ACOT12: variants seen among roughly 807,000 people sequenced by gnomAD.
The protein encoded by ACOT12 is acyl-CoA thioesterase 12, also known as acetyl-coenzyme A thioesterase.
Under a neutral mutation model 67.7 loss-of-function variants are expected in ACOT12, and 51 were observed. The observed-to-expected ratio is 0.75, with a 90% CI of 0.60 to 0.95. The LOEUF (loss-of-function observed/expected upper bound fraction) is 0.95, where lower values mean the gene tolerates loss of function less well. Ranked by LOEUF, ACOT12 falls within the 40% of genes least tolerant of loss-of-function variation. The pLI is 0.00. For missense variants in ACOT12, 734 were observed against 708.1 expected, an observed-to-expected ratio of 1.04 and a Z score of -0.41; for synonymous variants, 251 against 244.6, an observed-to-expected ratio of 1.03 and a Z score of -0.24.
In ACOT12 at chr5:81,330,420, C is replaced by A. The variant is rs771572593; in HGVS notation, c.1642G>T (p.Asp548Tyr). The A allele has an allele frequency of 3.1e-6, 5 of 1,613,134 alleles. No individual in the cohort carries two copies. In the South Asian group the frequency reaches 5.5e-5, roughly 18 times the overall value. ...SCIQFLENPP[D>Y]DGFVSTF Reference sequence around the variant, plus strand: ...TAAAATGTGCTTACAAACCCATCATCAGGAGGATTCTCTAAGAACTGTATA... The same window carrying A: ...TAAAATGTGCTTACAAACCCATCATAAGGAGGATTCTCTAAGAACTGTATA... Residue 548 changes from aspartate (D) to tyrosine (Y), a missense_variant, in exon 15 of 15, where the codon GAT (aspartate) becomes TAT (tyrosine). By Grantham distance (160) the Asp-to-Tyr change is radical. Transcript: ENST00000307624.
In ACOT12 at chr5:81,345,907, C is replaced by T; in HGVS notation, c.751G>A (p.Val251Ile). 3 of 1,613,890 alleles carry T rather than the reference C, an allele frequency of 1.9e-6. No individual in the cohort carries two copies. Among genetic ancestry groups the T allele is most frequent in the Non-Finnish European group, 2.5e-6 (3 of 1,179,898 alleles). ...VGDRLVFTAI[V>I]NNTFQTCVEV... ...TACCAGGTCTGAAATGTATTGTTGA[C>T]AATGGCAGTGAAGACAAGACGATCT... Residue 251 changes from valine (V) to isoleucine (I), a missense_variant, in exon 7 of 15, where the codon GTC (valine) becomes ATC (isoleucine). Physicochemically the swap from Val to Ile is conservative, Grantham distance 29. Transcript: ENST00000307624.
At chr5:81,366,718 G>A (rs567022685) in intron 3 of ACOT12, among the ~76,000 whole-genome samples, 1 of 152,124 alleles carries the variant, frequency 6.6e-6, no homozygotes, top group Admixed American at 6.5e-5. Flanking sequence ...AATCAAAGTG[G>A]ACTTTCTAAG....
chr5:81,366,731 A>T (rs958438799), intron 3 of ACOT12, among the ~76,000 whole-genome samples: 5 of 152,196 alleles, frequency 3.3e-5, no homozygotes, highest in African/African-American at 1.2e-4. Flanking sequence ...TTTCTAAGGT[A>T]AAAAAATACA....
At chr5:81,339,606 AACTG>A (rs1157203399) in intron 11 of ACOT12, among the ~76,000 whole-genome samples, 1 of 152,168 alleles carries the variant, frequency 6.6e-6, no homozygotes, top group African/African-American at 2.4e-5. Context: ...CTCCCTATAT[AACTG>A]TCTTCTCTTG....
chr5:81,367,029 G>T (rs967251079), intron 3 of ACOT12, among the ~76,000 whole-genome samples: 2 of 152,164 alleles, frequency 1.3e-5, no homozygotes, highest in Non-Finnish European at 2.9e-5. Context: ...TAAATCCATA[G>T]ATCCAGTAGC....
chr5:81,385,241 G>A (rs1760696615), intron 2 of ACOT12, among the ~76,000 whole-genome samples: 2 of 152,064 alleles, frequency 1.3e-5, no homozygotes. Context: ...GAGCCCAGGA[G>A]TTCGAGATCA....
In ACOT12 at chr5:81,388,509, G is replaced by A. The variant is rs78851366; in HGVS notation, c.128-2683C>T. On this transcript the variant is annotated intron_variant, in intron 1 of 14. Transcript: ENST00000307624. Reference sequence around the variant, plus strand: ...GAGAACAAAGAGAAGCTAAGTGATTGTAAGTAGGTACGAAATGATGACTGA... The same window carrying A: ...GAGAACAAAGAGAAGCTAAGTGATTATAAGTAGGTACGAAATGATGACTGA... 5.2e-3 allele frequency among the ~76,000 whole-genome samples: 787 copies of A among 152,322 alleles called. 5 individuals are homozygous for A. Among genetic ancestry groups the A allele is most frequent in the South Asian group, 0.01 (50 of 4,828 alleles).
the ACOT12 span, among the ~76,000 whole-genome samples, chr5:81,321,366 A>G: frequency 2.6e-5 from 4 of 152,232 alleles, no homozygotes; most frequent in African/African-American, 7.2e-5. Context: ...AGAGCACCAG[A>G]GGGCTCAGCC....
intron 12 of ACOT12, among the ~76,000 whole-genome samples, chr5:81,333,102 G>A (rs949661188): frequency 2.7e-5 from 4 of 149,340 alleles, no homozygotes; most frequent in Admixed American, 6.7e-5. Flanking sequence ...AACAAAAAAC[G>A]CAAGAGCTCT....
the ACOT12 span, among the ~76,000 whole-genome samples, chr5:81,315,286 C>G: frequency 6.6e-6 from 1 of 152,116 alleles, no homozygotes; most frequent in South Asian, 2.1e-4. Flanking sequence ...TCTCAAGTTG[C>G]TCTTTACTTG....
chr5:81,349,880 G>C (rs1373308367), intron 5 of ACOT12, among the ~76,000 whole-genome samples: 1 of 152,132 alleles, frequency 6.6e-6, no homozygotes, highest in Non-Finnish European at 1.5e-5. Flanking sequence ...GTCTGCTGTT[G>C]ATGAGAGTCC....
At chr5:81,376,755 C>G (rs1373469535) in intron 2 of ACOT12, among the ~76,000 whole-genome samples, 1 of 152,120 alleles carries the variant, frequency 6.6e-6, no homozygotes, top group African/African-American at 2.4e-5. Context: ...TGGATAAATT[C>G]CTGGACACAT....
the ACOT12 span, among the ~76,000 whole-genome samples, chr5:81,322,200 A>G: frequency 6.6e-6 from 1 of 152,194 alleles, no homozygotes; most frequent in African/African-American, 2.4e-5. Context: ...AGAAGTTTAA[A>G]TAAGAAGAAA....
chr5:81,343,764 A>G, intron 10 of ACOT12, 54 bp downstream of exon 10: 1 of 1,582,788 alleles, frequency 6.3e-7, no homozygotes, highest in African/African-American at 1.4e-5. Context: ...GCGGATTTCC[A>G]TTTTTGTAAT....
the ACOT12 span, among the ~76,000 whole-genome samples, chr5:81,321,704 G>A: frequency 6.6e-6 from 1 of 152,120 alleles, no homozygotes; most frequent in Non-Finnish European, 1.5e-5. Flanking sequence ...CTAGCACTTT[G>A]GTGGGGCTGA....
At chr5:81,320,602 G>A in the ACOT12 span, among the ~76,000 whole-genome samples, 6 of 152,220 alleles carry the variant, frequency 3.9e-5, no homozygotes, top group Admixed American at 2.6e-4. Flanking sequence ...GGCAGCCCTC[G>A]ACTACAACCT....
intron 2 of ACOT12, among the ~76,000 whole-genome samples, chr5:81,384,480 T>C (rs1760674854): frequency 6.6e-6 from 1 of 152,116 alleles, no homozygotes; most frequent in African/African-American, 2.4e-5. Flanking sequence ...TTTTACTGTA[T>C]CTTTTTAATG....
rs551584134 is a variant in ACOT12, at chr5:81,369,726, C to T, written c.258+2024G>A. 3.9e-5 allele frequency among the ~76,000 whole-genome samples: 6 copies of T among 152,242 alleles called. No homozygotes were observed. In the East Asian group the frequency reaches 1.2e-3, roughly 29 times the overall value. On this transcript the variant is annotated intron_variant, in intron 3 of 14. Transcript: ENST00000307624. ...TTTAGATAAGCCTCCTTTAGAAATT[C>T]TAGCCTGTCTTAGGGAAGAGGAGGA...
At chr5:81,363,075 G>T (rs1759967611) in intron 4 of ACOT12, among the ~76,000 whole-genome samples, 1 of 152,048 alleles carries the variant, frequency 6.6e-6, no homozygotes. Flanking sequence ...TCTAGCTCTG[G>T]GATGATCCTT....
Sources: allele counts gnomAD v4.1 joint callset (sites outside exome capture counted in the v4.1 genomes callset), GRCh38; gene constraint gnomAD v4.1.1; transcripts MANE v1.5; gene names NCBI Gene and HGNC (gene_info 2026-07-23, HGNC 2026-07-21).